TPST1: variants seen among roughly 807,000 people sequenced by gnomAD.
TPST1 encodes the protein tyrosylprotein sulfotransferase 1.
TPST1 carries 20 observed loss-of-function variants against 34.8 expected under a neutral mutation model. The ratio of observed to expected loss-of-function variants is 0.57; its 90% CI spans 0.40 to 0.84. TPST1 has a LOEUF of 0.84. TPST1 is among the 40% of genes least tolerant of loss of function. The pLI, the probability that TPST1 is intolerant of heterozygous loss-of-function variation, is 0.00. For missense variants in TPST1, 353 were observed against 455.5 expected, an observed-to-expected ratio of 0.78 and a Z score of 2.05; for synonymous variants, 152 against 159.4, an observed-to-expected ratio of 0.95 and a Z score of 0.35.
chr7:66,250,603 A>C (rs921276334), intron 2 of TPST1, among the ~76,000 whole-genome samples: 1 of 152,134 alleles, frequency 6.6e-6, no homozygotes, highest in Non-Finnish European at 1.5e-5. Context: ...TCTGCAGATG[A>C]TATGTTCCAA....
At chr7:66,239,278 G>A (rs1029380576) in intron 1 of TPST1, among the ~76,000 whole-genome samples, 1 of 152,124 alleles carries the variant, frequency 6.6e-6, no homozygotes, top group Non-Finnish European at 1.5e-5. Context: ...GCTGCACCTG[G>A]TCCTTCCTTC....
At chr7:66,343,471 G>C (rs1392713647) in intron 3 of TPST1, among the ~76,000 whole-genome samples, 1 of 152,078 alleles carries the variant, frequency 6.6e-6, no homozygotes, top group Admixed American at 6.6e-5. Context: ...CACGACCTGG[G>C]TAGCAGGATC....
At chr7:66,358,100 G>A (rs1792619227) in intron 5 of TPST1, among the ~76,000 whole-genome samples, 1 of 151,546 alleles carries the variant, frequency 6.6e-6, no homozygotes, top group South Asian at 2.1e-4. Context: ...AAAAAAATTG[G>A]CTGGGCGTGG....
At chr7:66,292,744 T>A (rs1791109412) in intron 3 of TPST1, among the ~76,000 whole-genome samples, 1 of 141,406 alleles carries the variant, frequency 7.1e-6, no homozygotes, top group Non-Finnish European at 1.6e-5. Flanking sequence ...CACACTGGCC[T>A]GCGCCCACTG....
intron 2 of TPST1, among the ~76,000 whole-genome samples, chr7:66,260,838 A>G (rs1790472007): frequency 6.6e-6 from 1 of 152,190 alleles, no homozygotes; most frequent in Admixed American, 6.5e-5. Context: ...GACCTGGCTG[A>G]GTACTCTACT....
At chr7:66,274,260 CA>C (rs2115828729) in intron 2 of TPST1, among the ~76,000 whole-genome samples, 1 of 151,734 alleles carries the variant, frequency 6.6e-6, no homozygotes, top group African/African-American at 2.4e-5. Flanking sequence ...CCCAGCTACT[CA>C]GGCTGAGGCA....
intron 1 of TPST1, among the ~76,000 whole-genome samples, chr7:66,208,578 C>G (rs1300548116): frequency 2.0e-5 from 3 of 152,054 alleles, no homozygotes; most frequent in African/African-American, 7.2e-5. Flanking sequence ...GAGTGATTCT[C>G]GTACCTCAGC....
chr7:66,310,839 G>T (rs1462624336), intron 3 of TPST1, among the ~76,000 whole-genome samples: 1 of 89,298 alleles, frequency 1.1e-5, no homozygotes, highest in Non-Finnish European at 2.2e-5. Flanking sequence ...ATTTATTTAT[G>T]AGACAGGGTC....
intron 1 of TPST1, chr7:66,221,539 C>T (rs1158370275): frequency 6.6e-6 from 1 of 152,188 alleles, no homozygotes; most frequent in African/African-American, 2.4e-5. Flanking sequence ...AGAATTGTCC[C>T]TTAGCCTTTA....
At chr7:66,294,218 G>A (rs1791145524) in intron 3 of TPST1, among the ~76,000 whole-genome samples, 1 of 152,040 alleles carries the variant, frequency 6.6e-6, no homozygotes, top group Non-Finnish European at 1.5e-5. Flanking sequence ...TGTGTCACTT[G>A]TATATATTCT....
chr7:66,218,181 C>G (rs1045973179), intron 1 of TPST1, among the ~76,000 whole-genome samples: 2 of 152,100 alleles, frequency 1.3e-5, no homozygotes, highest in African/African-American at 2.4e-5. Flanking sequence ...ACCCGGTCCC[C>G]CTTAAGATTC....
chr7:66,230,530 T>C (rs1789759861), intron 1 of TPST1, among the ~76,000 whole-genome samples: 1 of 152,004 alleles, frequency 6.6e-6, no homozygotes, highest in Non-Finnish European at 1.5e-5. Context: ...ACCTTCACGG[T>C]GAGTGTTACA....
At chr7:66,206,293 A>T (rs1584130072) in intron 1 of TPST1, among the ~76,000 whole-genome samples, 1 of 152,120 alleles carries the variant, frequency 6.6e-6, no homozygotes. Flanking sequence ...TCGTCCTTAC[A>T]TGAGCTGCAC....
In TPST1 at chr7:66,214,827, T is replaced by A. The variant is rs559007861; in HGVS notation, c.-102+9305T>A. Among the ~76,000 whole-genome samples, 293 of 148,872 alleles carry A rather than the reference T, an allele frequency of 2.0e-3. 1 individual carries two copies. The highest frequency in any genetic ancestry group is 6.8e-3 in the African/African-American group (276 of 40,784). On this transcript the variant is annotated intron_variant, in intron 1 of 5. Transcript: ENST00000304842. ...CTAAAAAAAAAGCCACCAACAAAAATATATATATAAATATATAATATGCAT... is the reference window on the plus strand; with the variant it reads ...CTAAAAAAAAAGCCACCAACAAAAAAATATATATAAATATATAATATGCAT...
chr7:66,327,324 G>A (rs1408039493), intron 3 of TPST1, among the ~76,000 whole-genome samples: 1 of 152,172 alleles, frequency 6.6e-6, no homozygotes, highest in Non-Finnish European at 1.5e-5. Flanking sequence ...TTTACAATGA[G>A]TTTACAGAAA....
chr7:66,230,308 A>G (rs1381498278), intron 1 of TPST1, among the ~76,000 whole-genome samples: 2 of 152,268 alleles, frequency 1.3e-5, no homozygotes, highest in Admixed American at 6.5e-5. Flanking sequence ...ATCATACAGT[A>G]TGTAGTCTTT....
intron 4 of TPST1, among the ~76,000 whole-genome samples, chr7:66,354,393 G>A (rs1208249012): frequency 6.7e-6 from 1 of 150,374 alleles, no homozygotes; most frequent in Non-Finnish European, 1.5e-5. Context: ...ATTGCCTGAG[G>A]TCAGGAGTTC....
intron 2 of TPST1, among the ~76,000 whole-genome samples, chr7:66,259,618 G>A (rs1790446476): frequency 6.6e-6 from 1 of 151,530 alleles, no homozygotes; most frequent in South Asian, 2.1e-4. Context: ...GTTTTTTATA[G>A]CAGTTCTGGA....
At chr7:66,299,685 G>A (rs993145271) in intron 3 of TPST1, among the ~76,000 whole-genome samples, 7 of 152,030 alleles carry the variant, frequency 4.6e-5, no homozygotes, top group Admixed American at 4.6e-4. Context: ...CCCATCTGGT[G>A]ACTTCTTCAT....
Sources: gnomAD v4.1 joint callset for allele counts (sites outside exome capture counted in the v4.1 genomes callset) on GRCh38, gnomAD v4.1.1 for gene constraint, MANE v1.5 for transcripts, NCBI Gene and HGNC (gene_info 2026-07-23, HGNC 2026-07-21) for gene names.